PRKN: variants seen among roughly 807,000 people sequenced by gnomAD.
PRKN encodes the protein E3 ubiquitin-protein ligase parkin.
Under a neutral mutation model 59.5 loss-of-function variants are expected in PRKN, and 56 were observed. That is an observed-to-expected ratio of 0.94 (90% CI 0.76 to 1.18). PRKN has a LOEUF of 1.18. Among genes scored for constraint, PRKN ranks in the 50% most tolerant of loss-of-function variants. PRKN has a pLI of 0.00. For missense variants in PRKN, 657 were observed against 596.4 expected, an observed-to-expected ratio of 1.10 and a Z score of -1.06; for synonymous variants, 250 against 222.1, an observed-to-expected ratio of 1.13 and a Z score of -1.12.
intron 1 of PRKN, among the ~76,000 whole-genome samples, chr6:162,624,162 C>T (rs924241158): frequency 7.9e-5 from 12 of 151,362 alleles, no homozygotes; most frequent in South Asian, 4.2e-4. Context: ...GCAGGAGAAT[C>T]GCTTGAACCC....
At position 161,575,421 on chromosome 6, in the gene PRKN, A is replaced by C. The variant is rs12110913; in HGVS notation, c.872-6005T>G. Among the ~76,000 whole-genome samples the C allele has an allele frequency of 0.083, 12,626 of 152,260 alleles. 1,801 individuals are homozygous for C. Among genetic ancestry groups the C allele is most frequent in the African/African-American group, 0.29 (11,938 of 41,500 alleles). On this transcript the variant is annotated intron_variant, in intron 7 of 11. Transcript: ENST00000366898. This position sits in a 1 kb window ranked among gnomAD's most constrained non-coding sequence, Gnocchi z 4.6. The stretch of plus-strand genomic sequence containing the variant: ...AACCCCAAACAAAACAAAACAAAAC[A>C]AATACCTTTGAGAGATTAACTGAGC...
At position 162,542,111 on chromosome 6, in the gene PRKN, C is replaced by T. The variant is rs184665289; in HGVS notation, c.8-98638G>A. Among the ~76,000 whole-genome samples the T allele has an allele frequency of 1.3e-3, 205 of 152,204 alleles. 3 individuals are homozygous for T. The highest frequency in any genetic ancestry group is 4.7e-3 in the African/African-American group (196 of 41,538). ...GCGGAAGGTAAGAGAATTCAGATGACAGGGATTACAGGTGCAAAGAAGTAG... is the reference window on the plus strand; with the variant it reads ...GCGGAAGGTAAGAGAATTCAGATGATAGGGATTACAGGTGCAAAGAAGTAG... On this transcript the variant is annotated intron_variant, in intron 1 of 11. Coordinates refer to ENST00000366898, the MANE Select transcript of PRKN (RefSeq NM_004562.3).
At chr6:161,521,170 T>G (rs1223979482) in intron 9 of PRKN, among the ~76,000 whole-genome samples, 1 of 151,980 alleles carries the variant, frequency 6.6e-6, no homozygotes, top group African/African-American at 2.4e-5. Context: ...TTAGGTTGGG[T>G]TGATGAAGCA....
At chr6:161,848,076 G>A (rs1227283132) in intron 6 of PRKN, among the ~76,000 whole-genome samples, 1 of 152,188 alleles carries the variant, frequency 6.6e-6, no homozygotes, top group Non-Finnish European at 1.5e-5. Flanking sequence ...TATTGTCTGA[G>A]GTCACCCAGG....
intron 2 of PRKN, among the ~76,000 whole-genome samples, chr6:162,323,218 A>G (rs1451106271): frequency 1.3e-5 from 2 of 151,820 alleles, no homozygotes; most frequent in African/African-American, 4.9e-5. Flanking sequence ...CCTAAAACTT[A>G]AAGTATAATA....
At chr6:162,561,893 T>G (rs950176570) in intron 1 of PRKN, among the ~76,000 whole-genome samples, 2 of 152,138 alleles carry the variant, frequency 1.3e-5, no homozygotes, top group South Asian at 2.1e-4. Context: ...AAAGTCCTAG[T>G]GCTGAACTAG....
rs775624511 is a variant in PRKN at position 162,443,403 on chromosome 6, G to C, written c.78C>G (p.Leu26=). ...CCTGTCGCTTAGCAACCACCTCCTT[G>C]AGCTGGAAGATGCTGGTGTCAGAAT... ...EVDSDTSIFQ[L]KEVVAKRQGV... Residue 26 remains leucine (L), a synonymous_variant, in exon 2 of 12, where the codon CTC becomes CTG. Coordinates refer to ENST00000366898, the MANE Select transcript of PRKN (RefSeq NM_004562.3). The C allele has an allele frequency of 1.2e-6, 2 of 1,614,022 alleles. No homozygotes were observed. Among genetic ancestry groups the C allele is most frequent in the East Asian group, 4.5e-5 (2 of 44,858 alleles).
chr6:161,846,929 G>A (rs1194338155), intron 6 of PRKN, among the ~76,000 whole-genome samples: 1 of 152,186 alleles, frequency 6.6e-6, no homozygotes, highest in Non-Finnish European at 1.5e-5. Context: ...TATGGATGCT[G>A]TGCCAGGGTC....
intron 7 of PRKN, among the ~76,000 whole-genome samples, chr6:161,583,009 C>T (rs144264369): frequency 0.091 from 13,430 of 146,918 alleles, 2,061 homozygotes; most frequent in African/African-American, 0.32. Context: ...CACACACACA[C>T]ACACACACAC....
At chr6:161,838,257 A>T (rs1792842633) in intron 6 of PRKN, among the ~76,000 whole-genome samples, 1 of 152,190 alleles carries the variant, frequency 6.6e-6, no homozygotes, top group Admixed American at 6.5e-5. Context: ...CATGACCCAA[A>T]TTTTTAAACC....
chr6:161,367,053 T>C (rs10945746), intron 10 of PRKN, among the ~76,000 whole-genome samples: 6 of 140,592 alleles, frequency 4.3e-5, no homozygotes, highest in South Asian at 2.4e-4. Flanking sequence ...TGCAGTGGCG[T>C]GATCTCGGCT....
intron 2 of PRKN, among the ~76,000 whole-genome samples, chr6:162,305,883 T>C (rs1782199344): frequency 6.6e-6 from 1 of 152,138 alleles, no homozygotes. Context: ...CTGTTTTAGA[T>C]ACATATTTTA....
chr6:162,650,668 A>G (rs1164551719), intron 1 of PRKN, among the ~76,000 whole-genome samples: 1 of 152,146 alleles, frequency 6.6e-6, no homozygotes, highest in Non-Finnish European at 1.5e-5. Context: ...CAGTCTACAA[A>G]GTATACAGAT....
At chr6:161,907,154 T>C (rs1778181345) in intron 6 of PRKN, among the ~76,000 whole-genome samples, 1 of 152,338 alleles carries the variant, frequency 6.6e-6, no homozygotes, top group South Asian at 2.1e-4. Flanking sequence ...ACTATTCCTA[T>C]GGCTTTGTTC....
chr6:162,523,874 AC>A (rs1778172077), intron 1 of PRKN, among the ~76,000 whole-genome samples: 1 of 151,640 alleles, frequency 6.6e-6, no homozygotes, highest in South Asian at 2.1e-4. Flanking sequence ...TGTTTAAAAA[AC>A]AAAAAATTAT....
intron 6 of PRKN, among the ~76,000 whole-genome samples, chr6:161,970,818 G>A (rs558969594): frequency 6.6e-6 from 1 of 152,246 alleles, no homozygotes; most frequent in African/African-American, 2.4e-5. Flanking sequence ...GATTACAGGC[G>A]TGAGCCACCG....
At position 161,459,940 on chromosome 6, in the gene PRKN, T is replaced by G. The variant is rs2115159327; in HGVS notation, c.1084-73063A>C. ...TTAGATAAGAAAATGGCTGTTGATA[T>G]TTTGTAAAAAAAAAAATCTATTTAT... On this transcript the variant is annotated intron_variant, in intron 9 of 11. Transcript: ENST00000366898. This position sits in a 1 kb window ranked among gnomAD's most constrained non-coding sequence, Gnocchi z 4.8. 6.6e-6 allele frequency among the ~76,000 whole-genome samples: 1 copy of G among 151,784 alleles called. No individual in the cohort carries two copies. Among genetic ancestry groups the G allele is most frequent in the East Asian group, 1.9e-4 (1 of 5,154 alleles).
At chr6:161,684,150 A>T (rs1182085335) in intron 7 of PRKN, among the ~76,000 whole-genome samples, 2 of 152,230 alleles carry the variant, frequency 1.3e-5, no homozygotes, top group Admixed American at 6.5e-5. Context: ...TTATTCTTGA[A>T]AGTGGTCTAA....
At chr6:161,750,084 T>C (rs576367901) in intron 7 of PRKN, among the ~76,000 whole-genome samples, 18 of 145,000 alleles carry the variant, frequency 1.2e-4, no homozygotes, top group Non-Finnish European at 2.0e-4. Flanking sequence ...TTAATGGATA[T>C]AGCACACATA....
Sources: allele counts gnomAD v4.1 joint callset (sites outside exome capture counted in the v4.1 genomes callset), GRCh38; gene constraint gnomAD v4.1.1; non-coding constraint Gnocchi (gnomAD v3.1); transcripts MANE v1.5; gene names NCBI Gene and HGNC (gene_info 2026-07-23, HGNC 2026-07-21).